Variants in PCDHGB2 observed in about 807,000 individuals in gnomAD.
PCDHGB2 encodes protocadherin gamma subfamily B, 2.
PCDHGB2 carries 55 observed loss-of-function variants against 59.3 expected under a neutral mutation model. The observed-to-expected ratio is 0.93, with a 90% CI of 0.75 to 1.16. PCDHGB2 has a LOEUF of 1.16. PCDHGB2 is among the 50% of genes most tolerant of loss of function. The pLI, the probability that PCDHGB2 is intolerant of heterozygous loss-of-function variation, is 0.00. For missense variants in PCDHGB2, 1,228 were observed against 1,198.5 expected, an observed-to-expected ratio of 1.02 and a Z score of -0.36; for synonymous variants, 516 against 512.0, an observed-to-expected ratio of 1.01 and a Z score of -0.11.
intron 1 of PCDHGB2, chr5:141,441,971 G>C: frequency 3.3e-6 from 1 of 298,820 alleles, no homozygotes; most frequent in Admixed American, 4.4e-5. Flanking sequence ...AGGCTCTTCA[G>C]CCTGGAATGC....
intron 1 of PCDHGB2, chr5:141,388,395 C>A (rs1445370262): frequency 2.5e-6 from 4 of 1,613,810 alleles, no homozygotes; most frequent in African/African-American, 2.7e-5. Flanking sequence ...GCAGAATTAC[C>A]AACTCAGTCC....
intron 1 of PCDHGB2, among the ~76,000 whole-genome samples, chr5:141,447,493 T>A (rs538320272): frequency 3.3e-5 from 5 of 152,186 alleles, no homozygotes; most frequent in East Asian, 1.9e-4. Flanking sequence ...AGAAGGAATG[T>A]TTAGGATAAA....
intron 1 of PCDHGB2, among the ~76,000 whole-genome samples, chr5:141,454,239 A>T (rs1221886368): frequency 6.6e-6 from 1 of 152,200 alleles, no homozygotes; most frequent in Non-Finnish European, 1.5e-5. Context: ...GATGAAAAGG[A>T]TGAAGATGTC....
At chr5:141,500,840 C>G (rs1394248251) in intron 2 of PCDHGB2, among the ~76,000 whole-genome samples, 1 of 151,966 alleles carries the variant, frequency 6.6e-6, no homozygotes, top group Non-Finnish European at 1.5e-5. Context: ...TGCTAATGGG[C>G]TTTTGCTACA....
intron 1 of PCDHGB2, chr5:141,388,966 G>A: frequency 1.2e-6 from 2 of 1,614,014 alleles, no homozygotes; most frequent in Non-Finnish European, 1.7e-6. Flanking sequence ...GCCGAGCTGG[G>A]AACACATATT....
chr5:141,489,096 ACT>A lies in PCDHGB2; in HGVS notation c.2422-5710_2422-5709del. The A allele has an allele frequency of 2.0e-6, 1 of 494,278 alleles. No individual in the cohort carries two copies. The allele number at this position is 494,278 out of a possible 1,614,324, so 30.6% of individuals were successfully genotyped here. A position where few individuals can be genotyped will look rare whatever the true frequency, so the allele number is the denominator to read the frequency against. ...CACCCCCGCCACTCGGTGACTAAGA[ACT>A]GCTGCAAGCAGGCAAACCTCCGAGC... On this transcript the variant is annotated intron_variant, in intron 1 of 3. Coordinates refer to ENST00000522605, the MANE Select transcript of PCDHGB2 (RefSeq NM_018923.3). The surrounding 1 kb of genome is among the most constrained non-coding windows in gnomAD (Gnocchi z 4.5).
At position 141,494,730 on chromosome 5, in the gene PCDHGB2, G is replaced by A. The variant is rs1595262506; in HGVS notation, c.2422-77G>A. 18 of 1,609,816 alleles carry A rather than the reference G, an allele frequency of 1.1e-5. No individual in the cohort carries two copies. In the East Asian group the frequency reaches 4.0e-4, roughly 36 times the overall value. On this transcript the variant is annotated intron_variant, in intron 1 of 3. Coordinates refer to ENST00000522605, the MANE Select transcript of PCDHGB2 (RefSeq NM_018923.3). ...GTGCCCACTCCCCTCCTTCTCTCCC[G>A]GCCCATCCCTAGGGGCTCGGGTGAC...
At chr5:141,428,100 G>C (rs1313410784) in intron 1 of PCDHGB2, 11 of 1,608,462 alleles carry the variant, frequency 6.8e-6, no homozygotes, top group Non-Finnish European at 9.3e-6. Context: ...GTCCTACCAC[G>C]TGCTGCAGGC....
At chr5:141,421,894 C>T (rs764642401) in intron 1 of PCDHGB2, 6 of 1,613,586 alleles carry the variant, frequency 3.7e-6, no homozygotes, top group Non-Finnish European at 4.2e-6. Flanking sequence ...CGATCCCATC[C>T]GAAAGGGCGC....
chr5:141,468,222 G>A lies in PCDHGB2; in HGVS notation c.2422-26585G>A, dbSNP rs560663102. 2.6e-3 allele frequency among the ~76,000 whole-genome samples: 401 copies of A among 151,572 alleles called. 2 individuals are homozygous for A. Among genetic ancestry groups the A allele is most frequent in the South Asian group, 0.02 (97 of 4,782 alleles). ...TGCCTGTAATTCCAGCTACTTGGGA[G>A]GATGAGGTAGGAGAATTGCCTGAAC... On this transcript the variant is annotated intron_variant, in intron 1 of 3. Coordinates refer to ENST00000522605, the MANE Select transcript of PCDHGB2 (RefSeq NM_018923.3).
Position 141,432,061 on chromosome 5 carries a change from G to A in PCDHGB2, c.2422-62746G>A. 1 of 1,614,130 alleles carries A rather than the reference G, an allele frequency of 6.2e-7. No homozygotes were observed. The highest frequency in any genetic ancestry group is 8.5e-7 in the Non-Finnish European group (1 of 1,180,034). ...ACCGGGGAACCCCGCCCCTATCCAC[G>A]GAAACTCATATCTCGCTGAACGTGG... On this transcript the variant is annotated intron_variant, in intron 1 of 3. Coordinates refer to ENST00000522605, the MANE Select transcript of PCDHGB2 (RefSeq NM_018923.3). The surrounding 1 kb of genome is among the most constrained non-coding windows in gnomAD (Gnocchi z 6.0).
In PCDHGB2 at chr5:141,361,769, A is replaced by G; in HGVS notation, c.1634A>G (p.Asn545Ser). 1.2e-6 allele frequency: 2 copies of G among 1,613,144 alleles called. No individual in the cohort carries two copies. Among genetic ancestry groups the G allele is most frequent in the Middle Eastern group, 1.7e-4 (1 of 6,046 alleles). The part of the protein sequence containing the change: ...RDQGSPALSA[N>S]VSLRVLVGDL... The stretch of plus-strand genomic sequence containing the variant: ...CAGGGCTCGCCCGCGCTCAGCGCCA[A>G]CGTGAGCCTGCGCGTGTTAGTGGGC... Residue 545 changes from asparagine to serine, a missense_variant, in exon 1 of 4, where the codon AAC becomes AGC. By Grantham distance (46) the Asn-to-Ser change is conservative (BLOSUM62 1). Around this residue, in one of 3 missense-constraint regions of PCDHGB2, gnomAD observed 781 missense variants for 721.6 expected, o/e 1.08. Coordinates refer to ENST00000522605, the MANE Select transcript of PCDHGB2 (RefSeq NM_018923.3).
rs372479779 is a variant in PCDHGB2, at chr5:141,399,808, C to T, written c.2421+37252C>T. On this transcript the variant is annotated intron_variant, in intron 1 of 3. Coordinates refer to ENST00000522605, the MANE Select transcript of PCDHGB2 (RefSeq NM_018923.3). The stretch of plus-strand genomic sequence containing the variant: ...CGACAACGCACCGCGGGTGCTGTAC[C>T]CCGCGCTGGGTCCCGACGGCTCTGC... 72 of 1,613,090 alleles carry T rather than the reference C, an allele frequency of 4.5e-5. No homozygotes were observed. The highest frequency in any genetic ancestry group is 6.0e-5 in the Non-Finnish European group (71 of 1,179,762).
At chr5:141,420,094 G>A in intron 1 of PCDHGB2, 7 of 1,614,058 alleles carry the variant, frequency 4.3e-6, no homozygotes, top group Non-Finnish European at 5.9e-6. Flanking sequence ...ACTACAGTGA[G>A]GGAACGTTGC....
In PCDHGB2 at chr5:141,487,568, C is replaced by T. The variant is rs752378906; in HGVS notation, c.2422-7239C>T. Reference sequence around the variant, plus strand: ...ACCCAGTGCACCTATGGCAGGGGAGCCTGTTCGCCCAAGCTGCCCACCCTC... The same window carrying T: ...ACCCAGTGCACCTATGGCAGGGGAGTCTGTTCGCCCAAGCTGCCCACCCTC... On this transcript the variant is annotated intron_variant, in intron 1 of 3. Transcript: ENST00000522605. This position sits in a 1 kb window ranked among gnomAD's most constrained non-coding sequence, Gnocchi z 5.0. The T allele has an allele frequency of 1.2e-6, 2 of 1,614,180 alleles. No individual in the cohort carries two copies. The highest frequency in any genetic ancestry group is 1.7e-6 in the Non-Finnish European group (2 of 1,180,042).
intron 1 of PCDHGB2, among the ~76,000 whole-genome samples, chr5:141,386,362 G>A (rs1285554716): frequency 6.6e-6 from 1 of 152,108 alleles, no homozygotes; most frequent in African/African-American, 2.4e-5. Context: ...CTTGATTCCA[G>A]AGACCTTTGA....
intron 1 of PCDHGB2, chr5:141,374,947 C>T (rs768274787): frequency 6.2e-7 from 1 of 1,614,018 alleles, no homozygotes; most frequent in East Asian, 2.2e-5. Context: ...CAGAAAAGAT[C>T]TCACAAATTT....
chr5:141,413,684 C>T, intron 1 of PCDHGB2: 1 of 1,613,838 alleles, frequency 6.2e-7, no homozygotes, highest in Non-Finnish European at 8.5e-7. Context: ...GGCGTGAACT[C>T]CCTGCAGAGC....
chr5:141,423,154 C>A, intron 1 of PCDHGB2: 1 of 1,613,466 alleles, frequency 6.2e-7, no homozygotes, highest in South Asian at 1.1e-5. Flanking sequence ...CAAGCAGAGC[C>A]TCGTGGTGGC....
Sources: gnomAD v4.1 joint callset for allele counts (sites outside exome capture counted in the v4.1 genomes callset) on GRCh38, gnomAD v4.1.1 for gene constraint, gnomAD v4.1.1 regional missense constraint, Gnocchi (gnomAD v3.1) non-coding constraint, MANE v1.5 for transcripts, NCBI Gene and HGNC (gene_info 2026-07-23, HGNC 2026-07-21) for gene names.